The following CLEC2D variants were observed in gnomAD, a reference collection of about 807,000 sequenced individuals.
CLEC2D encodes C-type lectin related f.
A neutral mutation model predicts 20.0 loss-of-function variants in CLEC2D; 16 were observed. That is an observed-to-expected ratio of 0.80 (90% CI 0.54 to 1.22). The LOEUF is 1.22. Ranked by LOEUF, CLEC2D falls within the 50% of genes most tolerant of loss-of-function variation. The pLI, the probability that CLEC2D is intolerant of heterozygous loss-of-function variation, is 0.00. For missense variants in CLEC2D, 207 were observed against 221.5 expected (o/e 0.93, Z 0.42); for synonymous variants, 77 against 71.1 (o/e 1.08, Z -0.42).
At position 9,697,906 on chromosome 12, in the gene CLEC2D, T is replaced by C. The variant is rs917818600; in HGVS notation, c.*3032T>C. 6.6e-6 allele frequency: 1 copy of C among 151,540 alleles called. No homozygotes were observed. Among genetic ancestry groups the C allele is most frequent in the Non-Finnish European group, 1.5e-5 (1 of 67,786 alleles). 9.4% of individuals were successfully genotyped at this position (151,540 alleles called of 1,614,324 possible). On this transcript the variant is annotated 3_prime_UTR_variant, in exon 5 of 5. Coordinates refer to ENST00000290855, the MANE Select transcript of CLEC2D (RefSeq NM_013269.6). ...TGTACTGAAAACTTGATGACAGATT[T>C]TAGATATTCTTACCACACAGACAAA...
At chr12:9,692,780 G>T in intron 3 of CLEC2D, 48 bp from the exon 4 acceptor site, 1 of 1,266,444 alleles carries the variant, frequency 7.9e-7, no homozygotes, top group Non-Finnish European at 1.1e-6. Context: ...TCTGGGAGAG[G>T]ATGGGTTATG....
At chr12:9,677,614 G>A (rs757517410) in intron 1 of CLEC2D, among the ~76,000 whole-genome samples, 11 of 151,186 alleles carry the variant, frequency 7.3e-5, no homozygotes, top group African/African-American at 2.2e-4. Flanking sequence ...GTAGTCTATA[G>A]ATGTCAATTA....
chr12:9,688,117 A>T (rs1455409767), intron 3 of CLEC2D, 31 bp downstream of exon 3: 1 of 1,528,638 alleles, frequency 6.5e-7, no homozygotes, highest in Non-Finnish European at 8.8e-7. Context: ...AGAATCAAAG[A>T]TTCAGCCCTA....
intron 3 of CLEC2D, among the ~76,000 whole-genome samples, chr12:9,689,704 C>T (rs1865823919): frequency 6.6e-6 from 1 of 151,854 alleles, no homozygotes. Flanking sequence ...CTGAAAAGTA[C>T]AATGACTGAA....
chr12:9,691,107 G>C (rs759399739), intron 3 of CLEC2D, among the ~76,000 whole-genome samples: 1 of 152,080 alleles, frequency 6.6e-6, no homozygotes, highest in East Asian at 1.9e-4. Context: ...TAGTAACCAA[G>C]ATAGTGCCGA....
chr12:9,689,962 C>G (rs1865830363), intron 3 of CLEC2D, among the ~76,000 whole-genome samples: 2 of 151,830 alleles, frequency 1.3e-5, no homozygotes, highest in South Asian at 2.1e-4. Context: ...AAATAATGAA[C>G]AAAACTTTCC....
chr12:9,695,503 C>T lies in CLEC2D; in HGVS notation c.*629C>T, dbSNP rs901674014. The stretch of plus-strand genomic sequence containing the variant: ...AGGTGGATAATGATGAAAATGAGAC[C>T]AGTTATCTTTAAGAACGGTCAGCTC... On this transcript the variant is annotated 3_prime_UTR_variant, in exon 5 of 5. Coordinates refer to ENST00000290855, the MANE Select transcript of CLEC2D (RefSeq NM_013269.6). 23 of 1,252,760 alleles carry T rather than the reference C, an allele frequency of 1.8e-5. No homozygotes were observed. In the African/African-American group the frequency reaches 2.5e-4, roughly 14 times the overall value. The allele number at this position is 1,252,760 out of a possible 1,614,324, so 77.6% of individuals were successfully genotyped here.
At chr12:9,692,647 A>G (rs1178317130) in intron 3 of CLEC2D, among the ~76,000 whole-genome samples, 181 bp from the exon 4 acceptor site, 1 of 152,206 alleles carries the variant, frequency 6.6e-6, no homozygotes, top group Non-Finnish European at 1.5e-5. Flanking sequence ...TCTCAGTTTT[A>G]AATTATCTTC....
chr12:9,694,951 T>G lies in CLEC2D; in HGVS notation c.*77T>G. ...CTCCATTTTAAAATGAGCAAAGAAT[T>G]TATTTCTTATACCAACAGGTATATG... On this transcript the variant is annotated 3_prime_UTR_variant, in exon 5 of 5. Transcript: ENST00000290855. 1 of 745,050 alleles carries G rather than the reference T, an allele frequency of 1.3e-6. No homozygotes were observed. Among genetic ancestry groups the G allele is most frequent in the Non-Finnish European group, 2.4e-6 (1 of 418,896 alleles). 46.2% of individuals were successfully genotyped at this position (745,050 alleles called of 1,614,324 possible). A position where few individuals can be genotyped will look rare whatever the true frequency, so the allele number is the denominator to read the frequency against.
intron 1 of CLEC2D, among the ~76,000 whole-genome samples, chr12:9,679,482 C>T (rs1488792993): frequency 6.6e-6 from 1 of 152,058 alleles, no homozygotes; most frequent in East Asian, 1.9e-4. Flanking sequence ...TCTCTTAATA[C>T]TTTAAATATT....
rs1192730256 is a variant in CLEC2D at position 9,696,948 on chromosome 12, A to G, written c.*2074A>G. The G allele has an allele frequency of 6.6e-6, 1 of 152,204 alleles. No homozygotes were observed. The highest frequency in any genetic ancestry group is 2.4e-5 in the African/African-American group (1 of 41,452). The allele number at this position is 152,204 out of a possible 1,614,324, so 9.4% of individuals were successfully genotyped here. Reference sequence around the variant, plus strand: ...CACATCTTTATTCATAATAGCCAAGATACGGAACTAACTGAAGTGACCATT... The same window carrying G: ...CACATCTTTATTCATAATAGCCAAGGTACGGAACTAACTGAAGTGACCATT... On this transcript the variant is annotated 3_prime_UTR_variant, in exon 5 of 5. Coordinates refer to ENST00000290855, the MANE Select transcript of CLEC2D (RefSeq NM_013269.6).
At chr12:9,686,429 TA>T (rs1865751663) in intron 2 of CLEC2D, among the ~76,000 whole-genome samples, 1 of 152,136 alleles carries the variant, frequency 6.6e-6, no homozygotes, top group Admixed American at 6.5e-5. Flanking sequence ...TACATTTTAA[TA>T]GTTATAATTT....
At chr12:9,685,112 G>T (rs757573959) in intron 2 of CLEC2D, among the ~76,000 whole-genome samples, 1 of 152,100 alleles carries the variant, frequency 6.6e-6, no homozygotes, top group African/African-American at 2.4e-5. Flanking sequence ...GTCTTGGGAG[G>T]GTGTATGTGT....
intron 2 of CLEC2D, among the ~76,000 whole-genome samples, chr12:9,684,192 A>C (rs1257269418): frequency 6.6e-6 from 1 of 152,130 alleles, no homozygotes; most frequent in African/African-American, 2.4e-5. Flanking sequence ...TTATTGGTGT[A>C]TAGGAATGCT....
chr12:9,687,724 C>T (rs957936233), intron 2 of CLEC2D, among the ~76,000 whole-genome samples, 178 bp from the exon 3 acceptor site: 4 of 152,124 alleles, frequency 2.6e-5, no homozygotes, highest in Admixed American at 6.6e-5. Flanking sequence ...CTCAGTTTTG[C>T]CATTTGCTGT....
rs1057500015 is a variant in CLEC2D at position 9,695,221 on chromosome 12, G to T, written c.*347G>T. The T allele has an allele frequency of 1.8e-5, 11 of 609,878 alleles. No individual in the cohort carries two copies. In the African/African-American group the frequency reaches 2.0e-4, roughly 11 times the overall value. The allele number at this position is 609,878 out of a possible 1,614,324, so 37.8% of individuals were successfully genotyped here. A position where few individuals can be genotyped will look rare whatever the true frequency, so the allele number is the denominator to read the frequency against. ...TGTCTTATGTGGTGGCAGGCAGGGG[G>T]ACTTGTGCACAGGAACTCCTATTTA... On this transcript the variant is annotated 3_prime_UTR_variant, in exon 5 of 5. Transcript: ENST00000290855.
intron 1 of CLEC2D, among the ~76,000 whole-genome samples, chr12:9,679,466 G>A (rs903095624): frequency 1.3e-5 from 2 of 152,020 alleles, no homozygotes; most frequent in African/African-American, 4.8e-5. Context: ...AGTTGATAAG[G>A]TTTTTTCTCT....
intron 3 of CLEC2D, among the ~76,000 whole-genome samples, chr12:9,688,642 C>G (rs1337087877): frequency 6.6e-6 from 1 of 152,162 alleles, no homozygotes; most frequent in Non-Finnish European, 1.5e-5. Flanking sequence ...TTGCTTGAAC[C>G]TGGGAGGTGG....
In CLEC2D at chr12:9,669,768, A is replaced by C; in HGVS notation, c.34A>C (p.Thr12Pro). 6 of 1,613,912 alleles carry C rather than the reference A, an allele frequency of 3.7e-6. No individual in the cohort carries two copies. The highest frequency in any genetic ancestry group is 5.1e-6 in the Non-Finnish European group (6 of 1,179,792). Residue 12 changes from threonine (T) to proline (P), a missense_variant, in exon 1 of 5, where the codon ACA (threonine) becomes CCA (proline). By Grantham distance (38) the Thr-to-Pro change is conservative. Transcript: ENST00000290855. ...HDSNNVEKDI[T>P]PSELPANPGC... is the part of the protein sequence containing the mutation. ...CAGTAACAATGTGGAGAAAGACATT[A>C]CACCATCTGAATTGCCTGCAAACCC...
Sources: allele counts gnomAD v4.1 joint callset (sites outside exome capture counted in the v4.1 genomes callset), GRCh38; gene constraint gnomAD v4.1.1; transcripts MANE v1.5; gene names NCBI Gene and HGNC (gene_info 2026-07-23, HGNC 2026-07-21).